The following VSTM2L variants were observed in gnomAD, a reference collection of about 807,000 sequenced individuals.
VSTM2L encodes the protein V-set and transmembrane domain containing 2 like, also known as V-set and transmembrane domain-containing protein 2-like protein.
A neutral mutation model predicts 19.9 loss-of-function variants in VSTM2L; 9 were observed. That is an observed-to-expected ratio of 0.45 (90% CI 0.27 to 0.79). The LOEUF is 0.79. VSTM2L is among the 30% of genes least tolerant of loss of function. The pLI is 0.15. For missense variants in VSTM2L, 286 were observed against 295.5 expected (o/e 0.97, Z 0.24); for synonymous variants, 127 against 133.8 (o/e 0.95, Z 0.35).
intron 1 of VSTM2L, among the ~76,000 whole-genome samples, chr20:37,922,794 C>T (rs1568837923): frequency 6.6e-6 from 1 of 152,150 alleles, no homozygotes; most frequent in Non-Finnish European, 1.5e-5. Flanking sequence ...GCTGGATGAG[C>T]CCCTGTGGCT....
rs143878138 is a variant in VSTM2L at position 37,910,832 on chromosome 20, A to T, written c.121+7361A>T. ...CTTGGGAGGCTGGGGTGGGAAGATC[A>T]CTTGAGCCCAAGAGTTCAAGGCTGC... On this transcript the variant is annotated intron_variant, in intron 1 of 3. Transcript: ENST00000373461. Among the ~76,000 whole-genome samples the T allele has an allele frequency of 1.9e-3, 293 of 151,358 alleles. 4 individuals carry two copies. The highest frequency in any genetic ancestry group is 6.8e-3 in the African/African-American group (279 of 41,190).
intron 1 of VSTM2L, among the ~76,000 whole-genome samples, chr20:37,911,235 CAA>C (rs11352183): frequency 0.01 from 470 of 45,736 alleles, 1 homozygote; most frequent in Admixed American, 0.013. Context: ...GACTCCATCT[CAA>C]AAAAAAAAAA....
chr20:37,912,926 T>C (rs1278206377), intron 1 of VSTM2L, among the ~76,000 whole-genome samples: 1 of 152,194 alleles, frequency 6.6e-6, no homozygotes, highest in Admixed American at 6.5e-5. Flanking sequence ...TTTCGATCTC[T>C]TTCCTCTTTC....
chr20:37,926,756 C>G (rs981480049), intron 1 of VSTM2L, among the ~76,000 whole-genome samples: 1 of 152,162 alleles, frequency 6.6e-6, no homozygotes, highest in Non-Finnish European at 1.5e-5. Context: ...AGGGTTACTC[C>G]CTGGCACTGG....
rs1434382841 is a variant in VSTM2L at position 37,944,842 on chromosome 20, C to T, written c.*589C>T. On this transcript the variant is annotated 3_prime_UTR_variant, in exon 4 of 4. Transcript: ENST00000373461. The stretch of plus-strand genomic sequence containing the variant: ...AGCGAGATGCCCCACCACCTCCTGG[C>T]GAGTCCTTCCTGTTCAGCTCCCTGT... 75 of 985,948 alleles carry T rather than the reference C, an allele frequency of 7.6e-5. No individual in the cohort carries two copies. The highest frequency in any genetic ancestry group is 8.7e-5 in the African/African-American group (5 of 57,216). The allele number at this position is 985,948 out of a possible 1,614,324, so 61.1% of individuals were successfully genotyped here.
intron 3 of VSTM2L, among the ~76,000 whole-genome samples, chr20:37,940,625 C>T (rs546131980): frequency 3.2e-4 from 48 of 152,332 alleles, no homozygotes; most frequent in African/African-American, 1.1e-3. Context: ...TCTTTTGGAG[C>T]TTCAGTTTCA....
At chr20:37,931,511 A>AC in intron 1 of VSTM2L, 124 bp from the exon 2 acceptor site, 29 of 1,059,486 alleles carry the variant, frequency 2.7e-5, no homozygotes, top group East Asian at 2.4e-5. Context: ...CTTGCAGGTC[A>AC]CCCCACCCCC....
At chr20:37,919,975 G>A (rs2122953089) in intron 1 of VSTM2L, among the ~76,000 whole-genome samples, 1 of 152,310 alleles carries the variant, frequency 6.6e-6, no homozygotes, top group African/African-American at 2.4e-5. Context: ...CATAGAGGAG[G>A]GGCTTCCTTC....
chr20:37,942,173 T>C (rs971617010), intron 3 of VSTM2L, among the ~76,000 whole-genome samples: 2 of 152,178 alleles, frequency 1.3e-5, no homozygotes, highest in Non-Finnish European at 2.9e-5. Context: ...TGGAATACTA[T>C]ACAGCAATGA....
rs962344861 is a variant in VSTM2L at position 37,945,186 on chromosome 20, G to C, written c.*933G>C. 3.0e-6 allele frequency: 3 copies of C among 985,280 alleles called. No homozygotes were observed. The African/African-American group carries it at 5.2e-5, about 17-fold the overall frequency. The allele number at this position is 985,280 out of a possible 1,614,324, so 61.0% of individuals were successfully genotyped here. ...TGGTTATTTGTAAATATTTCTATTG[G>C]ACCCAATTCTCCTCGGAATTGGCTG... On this transcript the variant is annotated 3_prime_UTR_variant, in exon 4 of 4. Transcript: ENST00000373461.
At chr20:37,926,776 G>T (rs2072881565) in intron 1 of VSTM2L, among the ~76,000 whole-genome samples, 1 of 152,200 alleles carries the variant, frequency 6.6e-6, no homozygotes, top group South Asian at 2.1e-4. Context: ...GGCCTTGGCT[G>T]CCTGGTCTGA....
intron 1 of VSTM2L, among the ~76,000 whole-genome samples, chr20:37,931,293 C>G (rs555779660): frequency 6.6e-6 from 1 of 152,270 alleles, no homozygotes; most frequent in African/African-American, 2.4e-5. Context: ...AGCGGCAGCT[C>G]CTCCCTGGCC....
In VSTM2L at chr20:37,944,647, T is replaced by G; in HGVS notation, c.*394T>G. 9.9e-7 allele frequency: 1 copy of G among 1,011,968 alleles called. No homozygotes were observed. The highest frequency in any genetic ancestry group is 1.2e-6 in the Non-Finnish European group (1 of 848,382). 62.7% of individuals were successfully genotyped at this position (1,011,968 alleles called of 1,614,324 possible). On this transcript the variant is annotated 3_prime_UTR_variant, in exon 4 of 4. Coordinates refer to ENST00000373461, the MANE Select transcript of VSTM2L (RefSeq NM_080607.3). The stretch of plus-strand genomic sequence containing the variant: ...CCCCCCAGCCTCGCCTCCCTCCTCC[T>G]ACCATCCCTCACTTGGACCTGGGGG...
At chr20:37,919,468 T>A (rs2072838558) in intron 1 of VSTM2L, among the ~76,000 whole-genome samples, 1 of 152,236 alleles carries the variant, frequency 6.6e-6, no homozygotes, top group South Asian at 2.1e-4. Context: ...TTTTCCATCC[T>A]GATTATCTGG....
chr20:37,903,282 C>T lies in VSTM2L; in HGVS notation c.-69C>T. 1 of 1,327,928 alleles carries T rather than the reference C, an allele frequency of 7.5e-7. No homozygotes were observed. Among genetic ancestry groups the T allele is most frequent in the Admixed American group, 4.2e-5 (1 of 24,008 alleles). 82.3% of individuals were successfully genotyped at this position (1,327,928 alleles called of 1,614,324 possible). ...CCAGGCCGCTCAGGGCAGGGGACAG[C>T]TGGCGCCGGTTCTGCGGTCTCCGGG... On this transcript the variant is annotated 5_prime_UTR_variant, in exon 1 of 4. Coordinates refer to ENST00000373461, the MANE Select transcript of VSTM2L (RefSeq NM_080607.3).
chr20:37,931,782 A>G lies in VSTM2L; in HGVS notation c.269A>G (p.Lys90Arg), dbSNP rs774419997. ...CGGAGCCACCGGGACTGGACCGACA[A>G]GCAGGCGTGGGCCTCGAACCAGGTA... ...YVRSHRDWTD[K>R]QAWASNQLKA... Residue 90 changes from lysine to arginine, a missense_variant, in exon 2 of 4, where the codon AAG becomes AGG. By Grantham distance (26) the Lys-to-Arg change is conservative. Coordinates refer to ENST00000373461, the MANE Select transcript of VSTM2L (RefSeq NM_080607.3). 1 of 1,613,892 alleles carries G rather than the reference A, an allele frequency of 6.2e-7. No homozygotes were observed. Among genetic ancestry groups the G allele is most frequent in the Admixed American group, 1.7e-5 (1 of 60,010 alleles).
chr20:37,926,400 C>A (rs949344899), intron 1 of VSTM2L, among the ~76,000 whole-genome samples: 11 of 152,102 alleles, frequency 7.2e-5, no homozygotes, highest in Admixed American at 7.2e-4. Context: ...TAGGGCCAGG[C>A]GCGGTGGCTC....
intron 1 of VSTM2L, among the ~76,000 whole-genome samples, chr20:37,906,835 G>C (rs1040782058): frequency 2.0e-5 from 3 of 152,190 alleles, no homozygotes; most frequent in African/African-American, 7.2e-5. Flanking sequence ...CACTCAGAAA[G>C]GTGGCAAGAT....
At chr20:37,936,747 C>T (rs144281769) in intron 3 of VSTM2L, among the ~76,000 whole-genome samples, 1 of 152,290 alleles carries the variant, frequency 6.6e-6, no homozygotes, top group East Asian at 1.9e-4. Context: ...CTCGACTCTC[C>T]CTTTTCCTCA....
Sources: allele counts gnomAD v4.1 joint callset (sites outside exome capture counted in the v4.1 genomes callset), GRCh38; gene constraint gnomAD v4.1.1; transcripts MANE v1.5; gene names NCBI Gene and HGNC (gene_info 2026-07-23, HGNC 2026-07-21).